The following NELFB variants were observed in gnomAD, a reference collection of about 807,000 sequenced individuals.
The protein encoded by NELFB is negative elongation factor complex member B.
Under a neutral mutation model 60.2 loss-of-function variants are expected in NELFB, and 34 were observed. That is an observed-to-expected ratio of 0.56 (90% CI 0.43 to 0.75). The LOEUF is 0.75. NELFB is among the 30% of genes least tolerant of loss of function. The probability of loss-of-function intolerance (pLI) is 0.00; values close to 1 mark genes in which losing one functional copy is unlikely to be tolerated. For missense variants in NELFB, 770 were observed against 831.6 expected (o/e 0.93, Z 0.91); for synonymous variants, 459 against 382.1 (o/e 1.20, Z -2.35).
In NELFB at chr9:137,273,090, T is replaced by A; in HGVS notation, c.*162T>A. The A allele has an allele frequency of 5.2e-6, 4 of 770,234 alleles. No homozygotes were observed. The highest frequency in any genetic ancestry group is 7.8e-6 in the Non-Finnish European group (4 of 513,414). The allele number at this position is 770,234 out of a possible 1,614,324, so 47.7% of individuals were successfully genotyped here. ...CCCCCTGCTTCCTGCTCCTTGGAGC[T>A]GGCTCCCGGACCTTGCCCACCATCC... On this transcript the variant is annotated 3_prime_UTR_variant, in exon 13 of 13. Coordinates refer to ENST00000343053, the MANE Select transcript of NELFB (RefSeq NM_015456.5).
At chr9:137,258,825 A>G (rs369426932) in intron 4 of NELFB, among the ~76,000 whole-genome samples, 5 of 152,162 alleles carry the variant, frequency 3.3e-5, no homozygotes, top group Non-Finnish European at 5.9e-5. Flanking sequence ...CAGCATCCAC[A>G]TTAAGAAAAA....
chr9:137,259,334 C>T (rs1469409288), intron 4 of NELFB, among the ~76,000 whole-genome samples: 1 of 152,222 alleles, frequency 6.6e-6, no homozygotes, highest in Non-Finnish European at 1.5e-5. Flanking sequence ...CTCTGGGTTC[C>T]CTTCGGGCCG....
At chr9:137,265,816 CT>C in intron 6 of NELFB, 60 bp from the exon 7 acceptor site, 4 of 1,125,300 alleles carry the variant, frequency 3.6e-6, no homozygotes, top group Middle Eastern at 1.9e-4. Context: ...CTCCTGAGGA[CT>C]GTGCCGCTGA....
rs1210719968 is a variant in NELFB at position 137,272,655 on chromosome 9, C to T, written c.1740+40C>T. 3.2e-6 allele frequency: 5 copies of T among 1,547,880 alleles called. No homozygotes were observed. The Admixed American group carries it at 9.8e-5, about 30-fold the overall frequency. On this transcript the variant is annotated intron_variant, in intron 12 of 12. Coordinates refer to ENST00000343053, the MANE Select transcript of NELFB (RefSeq NM_015456.5). Reference sequence around the variant, plus strand: ...GGGCTGCATCTGAAGGCACCTGGTCCCTACCAGCCCGTGTGTGCTTGCCAA... The same window carrying T: ...GGGCTGCATCTGAAGGCACCTGGTCTCTACCAGCCCGTGTGTGCTTGCCAA...
rs544817077 is a variant in NELFB at position 137,255,829 on chromosome 9, G to A, written c.247-78G>A. 1.2e-5 allele frequency: 19 copies of A among 1,569,596 alleles called. No individual in the cohort carries two copies. In the South Asian group the frequency reaches 2.0e-4, roughly 16 times the overall value. On this transcript the variant is annotated intron_variant, in intron 1 of 12. Coordinates refer to ENST00000343053, the MANE Select transcript of NELFB (RefSeq NM_015456.5). ...AGCACGGCTGGGAACACCTGGGTGC[G>A]TGCCTCCCTGTGCTCTCAGGACCTC...
intron 6 of NELFB, among the ~76,000 whole-genome samples, chr9:137,265,001 C>G (rs942803143): frequency 1.3e-5 from 2 of 150,928 alleles, no homozygotes; most frequent in African/African-American, 4.9e-5. Flanking sequence ...ACAGTGCTGC[C>G]TGGCCCTGCC....
At chr9:137,268,108 C>A (rs554259751) in intron 10 of NELFB, among the ~76,000 whole-genome samples, 1 of 152,030 alleles carries the variant, frequency 6.6e-6, no homozygotes, top group Non-Finnish European at 1.5e-5. Flanking sequence ...TGCAGGTCCC[C>A]TGGGAGATGG....
chr9:137,272,402 C>G (rs1261624095), intron 11 of NELFB, 105 bp from the exon 12 acceptor site: 91 of 1,440,950 alleles, frequency 6.3e-5, no homozygotes, highest in Non-Finnish European at 8.3e-5. Flanking sequence ...GTCCCAAAGG[C>G]TGGCCATGTC....
intron 10 of NELFB, 105 bp from the exon 11 acceptor site, chr9:137,271,976 C>T: frequency 3.5e-6 from 5 of 1,448,914 alleles, no homozygotes; most frequent in Non-Finnish European, 4.8e-6. Context: ...TGAGAACTCT[C>T]ATGTGAGCAC....
rs560118578 is a variant in NELFB at position 137,272,827 on chromosome 9, C to G, written c.1786C>G (p.Leu596Val). Reference sequence around the variant, plus strand: ...GCTTTACTCCCAGCTCGGCGAGAAGCTGGAACAGCTGGATCACCGGAAGCC... The same window carrying G: ...GCTTTACTCCCAGCTCGGCGAGAAGGTGGAACAGCTGGATCACCGGAAGCC... Residue 596 changes from leucine to valine, a missense_variant, in exon 13 of 13, where the codon CTG becomes GTG. Leu to Val is a conservative substitution (Grantham distance 32). Transcript: ENST00000343053. The G allele has an allele frequency of 1.3e-6, 2 of 1,550,054 alleles. No individual in the cohort carries two copies. Among genetic ancestry groups the G allele is most frequent in the East Asian group, 4.9e-5 (2 of 40,914 alleles).
intron 4 of NELFB, among the ~76,000 whole-genome samples, chr9:137,261,792 C>T (rs908010780): frequency 7.2e-5 from 11 of 151,948 alleles, no homozygotes; most frequent in Non-Finnish European, 1.6e-4. Context: ...GACAGCTGGG[C>T]CCGGGGGACC....
Position 137,272,614 on chromosome 9 carries a change from A to T in NELFB, c.1739A>T (p.Gln580Leu). 6.3e-7 allele frequency: 1 copy of T among 1,592,540 alleles called. No homozygotes were observed. The highest frequency in any genetic ancestry group is 1.7e-4 in the Middle Eastern group (1 of 6,014). Residue 580 changes from glutamine to leucine, a missense_variant and splice_region_variant, in exon 12 of 13, where the codon CAG becomes CTG. Coordinates refer to ENST00000343053, the MANE Select transcript of NELFB (RefSeq NM_015456.5). ...CAGAAGGCCCTGGAGCCTACAGGCC[A>T]GGTGGGTGCCCGGGGGGGCTGCATC...
At position 137,257,692 on chromosome 9, in the gene NELFB, G is replaced by A. The variant is rs540841474; in HGVS notation, c.741+638G>A. Among the ~76,000 whole-genome samples the A allele has an allele frequency of 1.4e-4, 22 of 152,120 alleles. No individual in the cohort carries two copies. The South Asian group carries it at 1.9e-3, about 13-fold the overall frequency. ...TAATTTTGTATTTTTAGTAGAGATG[G>A]GATTTCTCCATGTTGGTCAGGCTGG... is the stretch of plus-strand genomic sequence containing the variant. On this transcript the variant is annotated intron_variant, in intron 4 of 12. Coordinates refer to ENST00000343053, the MANE Select transcript of NELFB (RefSeq NM_015456.5).
rs1830467200 is a variant in NELFB at position 137,262,929 on chromosome 9, GGAAGGACAGATGTCCA to G, written c.742-105_742-90del. ...AGGGAATGTTTTCTGCCAAAAAGTA[GGAAGGACAGATGTCCA>G]GAGAGAGGGCCGCGCTGTCGCCGGG... On this transcript the variant is annotated intron_variant, in intron 4 of 12. Transcript: ENST00000343053. The G allele has an allele frequency of 2.5e-6, 3 of 1,198,582 alleles. No individual in the cohort carries two copies. In the South Asian group the frequency reaches 4.2e-5, roughly 17 times the overall value. 74.2% of individuals were successfully genotyped at this position (1,198,582 alleles called of 1,614,324 possible). A position where few individuals can be genotyped will look rare whatever the true frequency, so the allele number is the denominator to read the frequency against.
chr9:137,265,994 G>A lies in NELFB; in HGVS notation c.1143+15G>A, dbSNP rs1449352371. On this transcript the variant is annotated intron_variant, in intron 7 of 12. Coordinates refer to ENST00000343053, the MANE Select transcript of NELFB (RefSeq NM_015456.5). ...CACTGCCCAGGGTGAGTGTGGGCTT[G>A]GCCAGCAGCTGTCGGGGCCATGCGG... The A allele has an allele frequency of 6.3e-7, 1 of 1,590,742 alleles. No homozygotes were observed. The highest frequency in any genetic ancestry group is 8.6e-7 in the Non-Finnish European group (1 of 1,160,490).
Position 137,264,347 on chromosome 9 carries a change from C to T in NELFB, c.1030C>T (p.Gln344Ter). ...CGATGGCGTCAAGAAGGGCCAGGAG[C>T]AGGTGCTGGGGTGAGGGTCGGCTCC... The change falls in exon 6 of 13, where the codon CAG becomes TAG. Residue 344 changes from glutamine (Q) to a stop codon, truncating the protein, a stop_gained. Transcript: ENST00000343053. LOFTEE classifies it high-confidence loss of function. 1 of 1,589,722 alleles carries T rather than the reference C, an allele frequency of 6.3e-7. No individual in the cohort carries two copies. The highest frequency in any genetic ancestry group is 8.5e-7 in the Non-Finnish European group (1 of 1,169,766).
chr9:137,265,804 C>A, intron 6 of NELFB, 73 bp from the exon 7 acceptor site: 1 of 989,520 alleles, frequency 1.0e-6, no homozygotes, highest in Non-Finnish European at 1.6e-6. Context: ...CCTAGGCCAC[C>A]CCTCCTGAGG....
chr9:137,257,345 T>G (rs1197431832), intron 4 of NELFB, among the ~76,000 whole-genome samples: 1 of 152,258 alleles, frequency 6.6e-6, no homozygotes, highest in Non-Finnish European at 1.5e-5. Flanking sequence ...TTCTTTTTCT[T>G]TGAGACGGAG....
At chr9:137,271,863 A>T (rs1830587915) in intron 10 of NELFB, among the ~76,000 whole-genome samples, 1 of 121,974 alleles carries the variant, frequency 8.2e-6, no homozygotes, top group African/African-American at 3.1e-5. Flanking sequence ...CCTGGGCTGC[A>T]GCTCTGCTTC....
Sources: allele counts gnomAD v4.1 joint callset (sites outside exome capture counted in the v4.1 genomes callset), GRCh38; gene constraint gnomAD v4.1.1; transcripts MANE v1.5; gene names NCBI Gene and HGNC (gene_info 2026-07-23, HGNC 2026-07-21).